CELF5: variants seen among roughly 807,000 people sequenced by gnomAD.
CELF5 encodes the protein CUGBP Elav-like family member 5, also known as CUG-BP and ETR-3 like factor 5.
Under a neutral mutation model 54.9 loss-of-function variants are expected in CELF5, and 6 were observed. The observed-to-expected ratio is 0.11, with a 90% CI of 0.06 to 0.22. The LOEUF (loss-of-function observed/expected upper bound fraction) is 0.22. Ranked by LOEUF, CELF5 falls within the 10% of genes least tolerant of loss-of-function variation. The pLI, the probability that CELF5 is intolerant of heterozygous loss-of-function variation, is 1.00. For missense variants in CELF5, 401 were observed against 678.6 expected (o/e 0.59, Z 4.54); for synonymous variants, 271 against 290.9 (o/e 0.93, Z 0.70).
intron 2 of CELF5, among the ~76,000 whole-genome samples, chr19:3,256,321 G>T (rs971830041): frequency 6.6e-6 from 1 of 151,976 alleles, no homozygotes; most frequent in African/African-American, 2.4e-5. Context: ...GGGTGTCTGT[G>T]TCTGGCTCTG....
At chr19:3,266,563 G>A (rs2079884974) in intron 2 of CELF5, among the ~76,000 whole-genome samples, 1 of 152,224 alleles carries the variant, frequency 6.6e-6, no homozygotes, top group Non-Finnish European at 1.5e-5. Flanking sequence ...CCCTGTTGGG[G>A]GACACTTGGG....
intron 4 of CELF5, among the ~76,000 whole-genome samples, chr19:3,276,303 G>A (rs1272932381): frequency 6.7e-6 from 1 of 148,966 alleles, no homozygotes; most frequent in Admixed American, 6.7e-5. Flanking sequence ...GGCCCTTGGG[G>A]AGAGGTGTGG....
At chr19:3,236,615 A>G (rs1203004253) in intron 1 of CELF5, among the ~76,000 whole-genome samples, 5 of 152,128 alleles carry the variant, frequency 3.3e-5, no homozygotes, top group Admixed American at 1.3e-4. Context: ...CTGTTTCCCC[A>G]CCACCATCGG....
intron 8 of CELF5, among the ~76,000 whole-genome samples, chr19:3,284,084 G>A (rs2080194477): frequency 6.6e-6 from 1 of 151,878 alleles, no homozygotes; most frequent in Non-Finnish European, 1.5e-5. Context: ...CTGGGCTCAA[G>A]CGATCCTCCT....
In CELF5 at chr19:3,251,063, C is replaced by T; in HGVS notation, c.338C>T (p.Pro113Leu). The change falls in exon 2 of 13, where the codon CCC (proline) becomes CTC (leucine). Residue 113 changes from proline (P) to leucine (L), a missense_variant. Pro to Leu is a moderately conservative substitution (Grantham distance 98, BLOSUM62 -3). This residue lies in a region of CELF5 where 66 missense variants were observed against 132.3 expected (regional missense o/e 0.50). Transcript: ENST00000292672. ...GCCCTGCACGAGCAGAAGACCTTGC[C>T]CGGAGTGAGTCCTGTGTGGTGTCTG... The part of the protein sequence containing the change: ...QTALHEQKTL[P>L]GMARPIQVKP... The T allele has an allele frequency of 6.2e-7, 1 of 1,613,564 alleles. No individual in the cohort carries two copies. Among genetic ancestry groups the T allele is most frequent in the Non-Finnish European group, 8.5e-7 (1 of 1,179,532 alleles).
At chr19:3,286,958 C>T (rs1457165426) in intron 10 of CELF5, among the ~76,000 whole-genome samples, 1 of 149,324 alleles carries the variant, frequency 6.7e-6, no homozygotes, top group Non-Finnish European at 1.5e-5. Flanking sequence ...TGGCATGAAC[C>T]CAGGAGGCGG....
intron 1 of CELF5, among the ~76,000 whole-genome samples, chr19:3,247,563 CTCTT>C (rs910784821): frequency 2.0e-5 from 3 of 150,678 alleles, no homozygotes; most frequent in African/African-American, 4.9e-5. Context: ...CGCCCGGTCT[CTCTT>C]TCTATGTCTC....
At chr19:3,225,916 G>C (rs1045406174) in intron 1 of CELF5, among the ~76,000 whole-genome samples, 2 of 152,166 alleles carry the variant, frequency 1.3e-5, no homozygotes, top group Non-Finnish European at 2.9e-5. Context: ...GGGAGGAGGA[G>C]GGAGGCGTGG....
intron 1 of CELF5, chr19:3,225,703 C>T: frequency 5.9e-6 from 3 of 508,582 alleles, no homozygotes; most frequent in Non-Finnish European, 7.6e-6. Flanking sequence ...GAGAGGCTCC[C>T]GTCGCTGCCC....
intron 1 of CELF5, among the ~76,000 whole-genome samples, chr19:3,244,614 CTGCGTGTGTG>C (rs1205377719): frequency 1.4e-5 from 2 of 139,862 alleles, no homozygotes; most frequent in Non-Finnish European, 3.0e-5. Flanking sequence ...TGTGTCTTGT[CTGCGTGTGTG>C]TGCGTGTGTG....
At chr19:3,257,440 T>C (rs541378289) in intron 2 of CELF5, among the ~76,000 whole-genome samples, 2 of 152,284 alleles carry the variant, frequency 1.3e-5, no homozygotes, top group South Asian at 4.1e-4. Context: ...AGGAACGATC[T>C]GGTTTGTTTG....
At chr19:3,263,714 G>A (rs1010091008) in intron 2 of CELF5, among the ~76,000 whole-genome samples, 1 of 152,122 alleles carries the variant, frequency 6.6e-6, no homozygotes, top group African/African-American at 2.4e-5. Context: ...AGACCAGCCT[G>A]GCCAACATAG....
At chr19:3,276,036 G>C in intron 4 of CELF5, 52 bp downstream of exon 4, 1 of 1,424,398 alleles carries the variant, frequency 7.0e-7, no homozygotes, top group South Asian at 1.2e-5. Flanking sequence ...GCTAGCTCTG[G>C]GGGCGGGGCC....
At chr19:3,266,904 G>A (rs1454822424) in intron 2 of CELF5, among the ~76,000 whole-genome samples, 1 of 152,144 alleles carries the variant, frequency 6.6e-6, no homozygotes, top group Non-Finnish European at 1.5e-5. Flanking sequence ...GCTGAAGCAC[G>A]AGGTTCGCCC....
intron 1 of CELF5, chr19:3,225,480 C>T (rs917746473): frequency 7.5e-6 from 5 of 670,728 alleles, no homozygotes; most frequent in Non-Finnish European, 9.1e-6. Flanking sequence ...CCCCCACCCC[C>T]ATTCATTCAG....
chr19:3,226,050 G>T (rs1302127498), intron 1 of CELF5, among the ~76,000 whole-genome samples: 2 of 152,006 alleles, frequency 1.3e-5, no homozygotes, highest in African/African-American at 4.8e-5. Context: ...GTCTGAATTG[G>T]GGTGGCTTTG....
At chr19:3,293,222 T>C in intron 11 of CELF5, 97 bp from the exon 12 acceptor site, 1 of 1,536,170 alleles carries the variant, frequency 6.5e-7, no homozygotes, top group Non-Finnish European at 8.9e-7. Flanking sequence ...GCAGGCCTGC[T>C]CAGGACCCCG....
In CELF5 at chr19:3,249,375, G is replaced by T. The variant is rs779043854; in HGVS notation, c.260-1610G>T. On this transcript the variant is annotated intron_variant, in intron 1 of 12. Transcript: ENST00000292672. ...TGATCTAATTAGGCTTTCAGGGCGA[G>T]GGCGGGTTCTCTTGACTTGCTTGTC... 5.3e-5 allele frequency among the ~76,000 whole-genome samples: 8 copies of T among 152,296 alleles called. No individual in the cohort carries two copies. The Middle Eastern group carries it at 0.014, about 261-fold the overall frequency.
intron 2 of CELF5, among the ~76,000 whole-genome samples, chr19:3,262,983 C>T (rs1443497391): frequency 1.1e-4 from 16 of 151,568 alleles, no homozygotes; most frequent in East Asian, 9.7e-4. Context: ...TTGTGGCTCA[C>T]GCCTGTGGTC....
Sources: allele counts gnomAD v4.1 joint callset (sites outside exome capture counted in the v4.1 genomes callset), GRCh38; gene constraint gnomAD v4.1.1; regional missense constraint gnomAD v4.1.1; transcripts MANE v1.5; gene names NCBI Gene and HGNC (gene_info 2026-07-23, HGNC 2026-07-21).